The following DOCK10 variants were observed in gnomAD, a reference collection of about 807,000 sequenced individuals.
DOCK10 encodes dedicator of cytokinesis 10.
DOCK10 carries 145 observed loss-of-function variants against 280.1 expected under a neutral mutation model. That is an observed-to-expected ratio of 0.52 (90% CI 0.45 to 0.59). The LOEUF is 0.59. Ranked by LOEUF, DOCK10 falls within the 20% of genes least tolerant of loss-of-function variation. The pLI, the probability that DOCK10 is intolerant of heterozygous loss-of-function variation, is 0.00. For missense variants in DOCK10, 2,368 were observed against 2,651.7 expected, an observed-to-expected ratio of 0.89 and a Z score of 2.35; for synonymous variants, 915 against 942.2, an observed-to-expected ratio of 0.97 and a Z score of 0.53.
chr2:224,804,076 T>C lies in DOCK10; in HGVS notation c.4268+36A>G, dbSNP rs761854146. On this transcript the variant is annotated intron_variant, in intron 39 of 55. Coordinates refer to ENST00000258390, the MANE Select transcript of DOCK10 (RefSeq NM_014689.3). ...ATATACAGACACACACACACAGCTA[T>C]ATATAATTTTAAATACCAAGCAAAT... is the stretch of plus-strand genomic sequence containing the variant. 2.4e-6 allele frequency: 3 copies of C among 1,275,592 alleles called. No individual in the cohort carries two copies. The East Asian group carries it at 7.0e-5, about 30-fold the overall frequency. 79.0% of individuals were successfully genotyped at this position (1,275,592 alleles called of 1,614,324 possible).
intron 11 of DOCK10, among the ~76,000 whole-genome samples, chr2:224,872,130 G>T (rs1698327021): frequency 6.6e-6 from 1 of 152,120 alleles, no homozygotes; most frequent in African/African-American, 2.4e-5. Context: ...TTTTTGACAA[G>T]ATTCTTATTG....
chr2:224,873,976 G>GTAAC lies in DOCK10; in HGVS notation c.1257+16_1257+19dup. On this transcript the variant is annotated intron_variant, in intron 11 of 55. Coordinates refer to ENST00000258390, the MANE Select transcript of DOCK10 (RefSeq NM_014689.3). ...TAATGTTGGCTTAATGGTATAGGATGTAACAGAGGAGAAACTTACATTCGT... is the reference window on the plus strand; with the variant it reads ...TAATGTTGGCTTAATGGTATAGGATGTAACTAACAGAGGAGAAACTTACATTCGT... 6.2e-7 allele frequency: 1 copy of GTAAC among 1,607,028 alleles called. No individual in the cohort carries two copies. Among genetic ancestry groups the GTAAC allele is most frequent in the African/African-American group, 1.3e-5 (1 of 74,624 alleles).
intron 1 of DOCK10, among the ~76,000 whole-genome samples, chr2:224,938,838 G>A (rs12469757): frequency 0.23 from 34,958 of 152,096 alleles, 4,532 homozygotes; most frequent in Non-Finnish European, 0.28. Context: ...TTCATCAGAG[G>A]GAGTTCCCCT....
chr2:224,819,370 G>T lies in DOCK10; in HGVS notation c.3267+76C>A, dbSNP rs1694355397. ...CTGATACAGAGAATGGACTTAAGCA[G>T]GTATCCACAGAGACTACTTTATTTA... On this transcript the variant is annotated intron_variant, in intron 29 of 55. Transcript: ENST00000258390. 9 of 940,898 alleles carry T rather than the reference G, an allele frequency of 9.6e-6. No individual in the cohort carries two copies. The South Asian group carries it at 1.5e-4, about 16-fold the overall frequency. The allele number at this position is 940,898 out of a possible 1,614,324, so 58.3% of individuals were successfully genotyped here.
chr2:224,768,844 G>C (rs1690227355), intron 55 of DOCK10: 1 of 455,946 alleles, frequency 2.2e-6, no homozygotes, highest in Admixed American at 2.4e-5. Context: ...ACAGAGGACA[G>C]AGTAGACATA....
At chr2:224,865,468 C>T (rs189248087) in intron 11 of DOCK10, among the ~76,000 whole-genome samples, 2 of 152,214 alleles carry the variant, frequency 1.3e-5, no homozygotes, top group Admixed American at 1.3e-4. Flanking sequence ...ACTAGGCCAA[C>T]CACATCTCTG....
intron 1 of DOCK10, among the ~76,000 whole-genome samples, chr2:224,968,279 A>C (rs1704889048): frequency 6.6e-6 from 1 of 152,220 alleles, no homozygotes; most frequent in Non-Finnish European, 1.5e-5. Flanking sequence ...GCGCCAGAAA[A>C]TGACCTCCCG....
At chr2:224,815,531 T>C (rs1289731319) in intron 30 of DOCK10, among the ~76,000 whole-genome samples, 1 of 152,054 alleles carries the variant, frequency 6.6e-6, no homozygotes, top group African/African-American at 2.4e-5. Flanking sequence ...TAATATGCCA[T>C]TTCTACCCTA....
rs979856214 is a variant in DOCK10 at position 224,832,797 on chromosome 2, C to T, written c.2964+1353G>A. 2.6e-5 allele frequency among the ~76,000 whole-genome samples: 4 copies of T among 152,318 alleles called. No homozygotes were observed. The East Asian group carries it at 7.7e-4, about 29-fold the overall frequency. On this transcript the variant is annotated intron_variant, in intron 26 of 55. Coordinates refer to ENST00000258390, the MANE Select transcript of DOCK10 (RefSeq NM_014689.3). ...CTACCCCTCTCCATCCCTTAGCACTCTGGCCTGCCTCCACTATTTTCCTTG... is the reference window on the plus strand; with the variant it reads ...CTACCCCTCTCCATCCCTTAGCACTTTGGCCTGCCTCCACTATTTTCCTTG...
intron 2 of DOCK10, among the ~76,000 whole-genome samples, chr2:224,924,544 C>G (rs1297187378): frequency 6.6e-6 from 1 of 152,164 alleles, no homozygotes; most frequent in Non-Finnish European, 1.5e-5. Context: ...CTTTTTATGG[C>G]TGAATAATAA....
chr2:224,784,717 G>A (rs750382744), intron 50 of DOCK10: 14 of 1,289,698 alleles, frequency 1.1e-5, no homozygotes, highest in South Asian at 7.4e-5. Context: ...AATGGAGAGC[G>A]AGAGTGAGTG....
rs75680754 is a variant in DOCK10 at position 224,834,358 on chromosome 2, C to T, written c.2851-95G>A. On this transcript the variant is annotated intron_variant, in intron 25 of 55. Transcript: ENST00000258390. The stretch of plus-strand genomic sequence containing the variant: ...TGAATAACTTATGTCTCTAAATTAT[C>T]TGCTCATGCCAGATTTTGCCATGAG... 2.8e-3 allele frequency: 2,109 copies of T among 752,462 alleles called. 26 individuals carry two copies. Among genetic ancestry groups the T allele is most frequent in the African/African-American group, 0.024 (1,360 of 57,118 alleles). 46.6% of individuals were successfully genotyped at this position (752,462 alleles called of 1,614,324 possible).
At chr2:224,902,322 C>G (rs550414362) in intron 3 of DOCK10, among the ~76,000 whole-genome samples, 1 of 152,172 alleles carries the variant, frequency 6.6e-6, no homozygotes, top group South Asian at 2.1e-4. Context: ...TATTTAATTA[C>G]CTGACTAGGT....
intron 51 of DOCK10, among the ~76,000 whole-genome samples, chr2:224,777,467 C>T (rs763205964): frequency 6.6e-6 from 1 of 152,154 alleles, no homozygotes; most frequent in Non-Finnish European, 1.5e-5. Context: ...AAGACCCTGG[C>T]CTCCATCTTT....
At chr2:224,867,927 C>A (rs762676171) in intron 11 of DOCK10, among the ~76,000 whole-genome samples, 4 of 152,102 alleles carry the variant, frequency 2.6e-5, no homozygotes, top group Non-Finnish European at 5.9e-5. Context: ...GATAAAGATA[C>A]AAAGATGAAT....
chr2:224,803,987 T>C (rs866403020), intron 39 of DOCK10, 125 bp downstream of exon 39: 4 of 584,648 alleles, frequency 6.8e-6, no homozygotes, highest in Middle Eastern at 2.7e-4. Context: ...GGTTTGAATA[T>C]ATAAATAGAA....
At chr2:224,991,223 T>C (rs574518095) in intron 1 of DOCK10, among the ~76,000 whole-genome samples, 2 of 152,166 alleles carry the variant, frequency 1.3e-5, no homozygotes, top group East Asian at 1.9e-4. Context: ...GGAATGAGGG[T>C]GAAATAACGC....
At position 224,917,101 on chromosome 2, in the gene DOCK10, C is replaced by CTTTTT. The variant is rs58223345; in HGVS notation, c.244-322_244-318dup. ...CAATTTAGCTGATTTCTATTGGAAT[C>CTTTTT]TTTTTTTTTTTTTTTTTTTTTTGAG... is the stretch of plus-strand genomic sequence containing the variant. On this transcript the variant is annotated intron_variant, in intron 2 of 55. Transcript: ENST00000258390. Among the ~76,000 whole-genome samples the CTTTTT allele has an allele frequency of 9.0e-3, 862 of 95,684 alleles. 125 individuals are homozygous for CTTTTT. Among genetic ancestry groups the CTTTTT allele is most frequent in the African/African-American group, 0.037 (805 of 22,000 alleles). The allele number at this position is 95,684 out of a possible 152,430, so 62.8% of individuals were successfully genotyped here. A position where few individuals can be genotyped will look rare whatever the true frequency, so the allele number is the denominator to read the frequency against.
At chr2:224,825,583 C>T (rs1327714261) in intron 27 of DOCK10, among the ~76,000 whole-genome samples, 2 of 152,214 alleles carry the variant, frequency 1.3e-5, no homozygotes, top group South Asian at 2.1e-4. Context: ...ATCATACGTA[C>T]ATTTTCCCCA....
Sources: gnomAD v4.1 joint callset for allele counts (sites outside exome capture counted in the v4.1 genomes callset) on GRCh38, gnomAD v4.1.1 for gene constraint, MANE v1.5 for transcripts, NCBI Gene and HGNC (gene_info 2026-07-23, HGNC 2026-07-21) for gene names.